PTH2R: variants seen among roughly 807,000 people sequenced by gnomAD.
PTH2R encodes the protein PTH2 receptor.
PTH2R carries 59 observed loss-of-function variants against 60.3 expected under a neutral mutation model. That is an observed-to-expected ratio of 0.98 (90% CI 0.79 to 1.22). The LOEUF is 1.22. Ranked by LOEUF, PTH2R falls within the 50% of genes most tolerant of loss-of-function variation. The probability of loss-of-function intolerance (pLI) is 0.00; values close to 1 mark genes in which losing one functional copy is unlikely to be tolerated. For synonymous variants in PTH2R, 256 were observed against 243.8 expected (o/e 1.05, Z -0.47); for missense variants, 749 against 682.6 (o/e 1.10, Z -1.08).
intron 1 of PTH2R, among the ~76,000 whole-genome samples, chr2:208,384,633 A>G (rs1177654877): frequency 6.6e-6 from 1 of 152,188 alleles, no homozygotes; most frequent in African/African-American, 2.4e-5. Context: ...TTTCTATTAG[A>G]TAGACGAACT....
At chr2:208,490,958 A>T (rs1276892755) in intron 12 of PTH2R, among the ~76,000 whole-genome samples, 1 of 152,230 alleles carries the variant, frequency 6.6e-6, no homozygotes, top group Non-Finnish European at 1.5e-5. Context: ...GACAGTGAAC[A>T]TCATATTCTG....
intron 1 of PTH2R, among the ~76,000 whole-genome samples, chr2:208,381,801 A>G (rs544137952): frequency 1.6e-4 from 25 of 152,134 alleles, no homozygotes; most frequent in Non-Finnish European, 3.1e-4. Context: ...GTTAATCAAA[A>G]GAGAGATTAT....
At chr2:208,420,287 AT>A (rs943554301) in intron 1 of PTH2R, among the ~76,000 whole-genome samples, 1 of 151,988 alleles carries the variant, frequency 6.6e-6, no homozygotes, top group Non-Finnish European at 1.5e-5. Context: ...AAGTATAATA[AT>A]TAAAAAAAAA....
chr2:208,400,559 A>G (rs922809950), intron 1 of PTH2R, among the ~76,000 whole-genome samples: 1 of 152,336 alleles, frequency 6.6e-6, no homozygotes, highest in African/African-American at 2.4e-5. Flanking sequence ...GATGGTTCAG[A>G]GTAGATTATA....
intron 9 of PTH2R, among the ~76,000 whole-genome samples, chr2:208,472,391 C>T (rs1702902641): frequency 6.6e-6 from 1 of 152,192 alleles, no homozygotes; most frequent in African/African-American, 2.4e-5. Context: ...CTCCAGTTCG[C>T]AACAAGTTCC....
intron 1 of PTH2R, among the ~76,000 whole-genome samples, chr2:208,372,416 A>T (rs981805835): frequency 6.6e-6 from 1 of 152,054 alleles, no homozygotes; most frequent in Non-Finnish European, 1.5e-5. Context: ...AGGTCATGGA[A>T]GTGTGTGTTA....
At chr2:208,367,115 T>C (rs1032137132) in intron 1 of PTH2R, among the ~76,000 whole-genome samples, 16 of 151,924 alleles carry the variant, frequency 1.1e-4, no homozygotes, top group African/African-American at 3.9e-4. Context: ...TTTTTTGAGA[T>C]TGAGTTTCAC....
intron 1 of PTH2R, among the ~76,000 whole-genome samples, chr2:208,372,242 A>C (rs1700715768): frequency 6.6e-6 from 1 of 152,118 alleles, no homozygotes; most frequent in South Asian, 2.1e-4. Flanking sequence ...TGTGATAAGC[A>C]CTGTTAGATT....
At chr2:208,423,317 A>T (rs1354063088) in intron 1 of PTH2R, among the ~76,000 whole-genome samples, 1 of 151,846 alleles carries the variant, frequency 6.6e-6, no homozygotes, top group East Asian at 1.9e-4. Context: ...TGTACTTTTG[A>T]TTTCCCTTGA....
intron 9 of PTH2R, among the ~76,000 whole-genome samples, chr2:208,480,776 C>T (rs1024461287): frequency 1.3e-5 from 2 of 152,134 alleles, no homozygotes; most frequent in African/African-American, 4.8e-5. Context: ...ACCCTTTGTC[C>T]TGCCACTTTG....
intron 1 of PTH2R, among the ~76,000 whole-genome samples, chr2:208,378,169 G>C (rs1700843347): frequency 6.6e-6 from 1 of 151,918 alleles, no homozygotes; most frequent in African/African-American, 2.4e-5. Context: ...TTAGGAGCTG[G>C]AGACCAGCCC....
chr2:208,378,162 G>T (rs13028521), intron 1 of PTH2R, among the ~76,000 whole-genome samples: 1 of 151,688 alleles, frequency 6.6e-6, no homozygotes. Flanking sequence ...CTCGCGGTTA[G>T]GAGCTGGAGA....
chr2:208,460,931 A>G lies in PTH2R; in HGVS notation c.981+970A>G, dbSNP rs1702621088. ...TTTTCTTTTGGACAATGTGTCACCTACTTTGTCAGAAGGGCAGCTATTAAT... is the reference window on the plus strand; with the variant it reads ...TTTTCTTTTGGACAATGTGTCACCTGCTTTGTCAGAAGGGCAGCTATTAAT... On this transcript the variant is annotated intron_variant, in intron 9 of 12. Transcript: ENST00000272847. 1.3e-5 allele frequency among the ~76,000 whole-genome samples: 2 copies of G among 152,126 alleles called. 1 individual carries two copies. Among genetic ancestry groups the G allele is most frequent in the South Asian group, 4.1e-4 (2 of 4,830 alleles).
chr2:208,421,365 G>GGT (rs10567822), intron 1 of PTH2R, among the ~76,000 whole-genome samples: 7,579 of 147,950 alleles, frequency 0.051, 344 homozygotes, highest in African/African-American at 0.11. Context: ...TCATATTGGG[G>GGT]GTGTGTGTGT....
chr2:208,391,605 GT>G (rs997182267), intron 1 of PTH2R, among the ~76,000 whole-genome samples: 1 of 152,142 alleles, frequency 6.6e-6, no homozygotes, highest in African/African-American at 2.4e-5. Context: ...AGCTCCCTGA[GT>G]TTTTTTATGA....
intron 2 of PTH2R, among the ~76,000 whole-genome samples, chr2:208,433,411 A>G (rs34745213): frequency 0.034 from 5,120 of 152,288 alleles, 86 homozygotes; most frequent in Middle Eastern, 0.058. Context: ...TTCACTAGCT[A>G]ATTTAAGGAA....
At chr2:208,427,627 C>T (rs754065174) in intron 1 of PTH2R, among the ~76,000 whole-genome samples, 2 of 152,184 alleles carry the variant, frequency 1.3e-5, no homozygotes, top group African/African-American at 4.8e-5. Context: ...TACCCAGCTA[C>T]GCATCTCCCA....
At chr2:208,459,848 A>T (rs1306814679) in intron 8 of PTH2R, 47 bp from the exon 9 acceptor site, 1 of 1,559,798 alleles carries the variant, frequency 6.4e-7, no homozygotes, top group African/African-American at 1.4e-5. Context: ...AATACTACCC[A>T]TTTGCTTTGC....
chr2:208,367,423 TC>T (rs1291379835), intron 1 of PTH2R, among the ~76,000 whole-genome samples: 3 of 97,052 alleles, frequency 3.1e-5, no homozygotes, highest in Admixed American at 2.8e-4. Context: ...TTTTTCTCTT[TC>T]TTTTTTTTTT....
Sources: allele counts gnomAD v4.1 joint callset (sites outside exome capture counted in the v4.1 genomes callset), GRCh38; gene constraint gnomAD v4.1.1; transcripts MANE v1.5; gene names NCBI Gene and HGNC (gene_info 2026-07-23, HGNC 2026-07-21).